The following FMN1 variants were observed in gnomAD, a reference collection of about 807,000 sequenced individuals.
FMN1 encodes the protein formin 1, also known as formin-1.
FMN1 carries 110 observed loss-of-function variants against 132.4 expected under a neutral mutation model. The ratio of observed to expected loss-of-function variants is 0.83; its 90% CI spans 0.71 to 0.97. The LOEUF is 0.97. Ranked by LOEUF, FMN1 falls within the 50% of genes least tolerant of loss-of-function variation. FMN1 has a pLI of 0.00. For synonymous variants in FMN1, 722 were observed against 651.7 expected, an observed-to-expected ratio of 1.11 and a Z score of -1.64; for missense variants, 1,792 against 1,705.3, an observed-to-expected ratio of 1.05 and a Z score of -0.90.
At chr15:33,185,760 C>T (rs1392499226) in intron 2 of FMN1, among the ~76,000 whole-genome samples, 1 of 151,692 alleles carries the variant, frequency 6.6e-6, no homozygotes, top group Non-Finnish European at 1.5e-5. Flanking sequence ...TTAGTAGAGA[C>T]AGGGTTTCAC....
At chr15:32,970,756 T>C (rs906128843) in intron 7 of FMN1, 2 of 151,142 alleles carry the variant, frequency 1.3e-5, no homozygotes, top group East Asian at 1.9e-4. Context: ...GTTCAGCAGA[T>C]TGAATTATGA....
chr15:32,935,375 CCTG>C (rs1341756639), intron 9 of FMN1, among the ~76,000 whole-genome samples: 1 of 152,116 alleles, frequency 6.6e-6, no homozygotes, highest in Admixed American at 6.6e-5. Flanking sequence ...CTTTTCACCT[CCTG>C]CTTTCAAAAT....
chr15:32,782,903 G>T (rs1005081589), intron 19 of FMN1, among the ~76,000 whole-genome samples: 1 of 152,160 alleles, frequency 6.6e-6, no homozygotes, highest in Non-Finnish European at 1.5e-5. Context: ...CTCAGAAAGA[G>T]AAAATCAAAT....
intron 4 of FMN1, among the ~76,000 whole-genome samples, chr15:33,092,100 C>T (rs552703527): frequency 2.2e-4 from 34 of 152,284 alleles, no homozygotes; most frequent in South Asian, 4.1e-4. Flanking sequence ...ATACAACGTA[C>T]AGCACAGTCA....
chr15:33,002,980 T>A (rs1043004758), intron 7 of FMN1, among the ~76,000 whole-genome samples: 2 of 152,160 alleles, frequency 1.3e-5, no homozygotes, highest in Admixed American at 1.3e-4. Context: ...ATTATCTCAA[T>A]AGATGCAGAA....
intron 19 of FMN1, among the ~76,000 whole-genome samples, chr15:32,791,166 C>T (rs1186245351): frequency 6.6e-6 from 1 of 150,530 alleles, no homozygotes; most frequent in Non-Finnish European, 1.5e-5. Flanking sequence ...GGAAATGAGG[C>T]TAAAGAGTGA....
At chr15:32,848,987 T>TTTTG (rs2058933648) in intron 17 of FMN1, among the ~76,000 whole-genome samples, 3 of 135,958 alleles carry the variant, frequency 2.2e-5, no homozygotes, top group South Asian at 2.6e-4. Context: ...GTTTTTTTTT[T>TTTTG]TTTTTTTTTT....
intron 16 of FMN1, among the ~76,000 whole-genome samples, chr15:32,860,998 G>A (rs1422781816): frequency 1.3e-5 from 2 of 152,144 alleles, no homozygotes; most frequent in African/African-American, 4.8e-5. Flanking sequence ...AACATTTGTG[G>A]CCACATAAAC....
At chr15:33,155,136 C>T (rs1255888563) in intron 3 of FMN1, 91 bp from the exon 4 acceptor site, 13 of 476,596 alleles carry the variant, frequency 2.7e-5, no homozygotes, top group Non-Finnish European at 4.9e-5. Flanking sequence ...CATGACTTAT[C>T]CTTCCTCTGT....
chr15:32,961,136 C>A (rs2030486430), intron 9 of FMN1, among the ~76,000 whole-genome samples: 2 of 139,884 alleles, frequency 1.4e-5, no homozygotes, highest in South Asian at 4.7e-4. Context: ...TATTGTTCAT[C>A]TTTTTTTTTT....
At chr15:32,899,565 G>T (rs1047788469) in intron 14 of FMN1, among the ~76,000 whole-genome samples, 1 of 152,142 alleles carries the variant, frequency 6.6e-6, no homozygotes. Flanking sequence ...CAGCCCAATT[G>T]TTGTGGCAAA....
intron 6 of FMN1, among the ~76,000 whole-genome samples, chr15:33,030,381 C>T (rs953825278): frequency 3.3e-5 from 5 of 152,202 alleles, no homozygotes; most frequent in African/African-American, 9.7e-5. Context: ...TCTTGAAAGT[C>T]ACATAATGTA....
At chr15:32,806,078 T>C (rs1387964260) in intron 17 of FMN1, among the ~76,000 whole-genome samples, 2 of 150,508 alleles carry the variant, frequency 1.3e-5, no homozygotes, top group East Asian at 1.9e-4. Flanking sequence ...ATAGGAAAGT[T>C]GTTAACATAA....
chr15:32,783,494 C>T (rs1456080713), intron 19 of FMN1, among the ~76,000 whole-genome samples: 2 of 152,038 alleles, frequency 1.3e-5, no homozygotes, highest in African/African-American at 4.8e-5. Flanking sequence ...CGCCTGTAAT[C>T]CCAGCACTTT....
Position 32,851,930 on chromosome 15 carries a change from TAGAG to T in FMN1, c.3928+5081_3928+5084del, listed in dbSNP as rs138636267. ...ACTTTATAAGTGATAAGACTCCTAA[TAGAG>T]AATTAGCTTTCTTGCAAAACACTCT... On this transcript the variant is annotated intron_variant, in intron 17 of 20. Coordinates refer to ENST00000616417, the MANE Select transcript of FMN1 (RefSeq NM_001277313.2). Among the ~76,000 whole-genome samples the T allele has an allele frequency of 4.7e-3, 717 of 152,348 alleles. 8 individuals carry two copies. Among genetic ancestry groups the T allele is most frequent in the African/African-American group, 0.017 (688 of 41,576 alleles).
chr15:33,077,708 T>C (rs184033849), intron 5 of FMN1, among the ~76,000 whole-genome samples: 16 of 150,950 alleles, frequency 1.1e-4, no homozygotes, highest in Non-Finnish European at 1.8e-4. Context: ...TCATTTTTTA[T>C]GGCTGCATGG....
rs5811704 is a variant in FMN1 at position 32,769,011 on chromosome 15, A to AGAG, written c.*5298_*5299insCTC. 0.71 allele frequency: 107,661 copies of AGAG among 151,562 alleles called. 39,558 individuals are homozygous for AGAG. Among genetic ancestry groups the AGAG allele is most frequent in the Non-Finnish European group, 0.8 (54,151 of 67,824 alleles). 9.4% of individuals were successfully genotyped at this position (151,562 alleles called of 1,614,324 possible). A position where few individuals can be genotyped will look rare whatever the true frequency, so the allele number is the denominator to read the frequency against. On this transcript the variant is annotated 3_prime_UTR_variant, in exon 21 of 21. Transcript: ENST00000616417. ...GTCTTCTATGGCCCTGGTTATCACC[A>AGAG]TAGTTAGGAGAAGGGCTGGGGATAG...
At chr15:33,022,629 G>A (rs345848) in intron 6 of FMN1, among the ~76,000 whole-genome samples, 98,128 of 151,866 alleles carry the variant, frequency 0.65, 32,666 homozygotes, top group Non-Finnish European at 0.73. Flanking sequence ...GCAGAATTAC[G>A]TATTTCAGAA....
At chr15:32,896,918 A>T (rs2060173264) in intron 15 of FMN1, among the ~76,000 whole-genome samples, 1 of 152,154 alleles carries the variant, frequency 6.6e-6, no homozygotes, top group Non-Finnish European at 1.5e-5. Context: ...ATTCTTTTGG[A>T]TAAATACCCA....
Sources: gnomAD v4.1 joint callset for allele counts (sites outside exome capture counted in the v4.1 genomes callset) on GRCh38, gnomAD v4.1.1 for gene constraint, MANE v1.5 for transcripts, NCBI Gene and HGNC (gene_info 2026-07-23, HGNC 2026-07-21) for gene names.